NAP1L4: variants seen among roughly 807,000 people sequenced by gnomAD.
The protein encoded by NAP1L4 is nucleosome assembly protein 1-like 4.
NAP1L4 carries 15 observed loss-of-function variants against 58.2 expected under a neutral mutation model. The ratio of observed to expected loss-of-function variants is 0.26; its 90% CI spans 0.17 to 0.40. NAP1L4 has a LOEUF of 0.40. Among genes scored for constraint, NAP1L4 ranks in the 10% least tolerant of loss-of-function variants. The probability of loss-of-function intolerance (pLI) is 1.00; values close to 1 mark genes in which losing one functional copy is unlikely to be tolerated. For synonymous variants in NAP1L4, 171 were observed against 155.6 expected, an observed-to-expected ratio of 1.10 and a Z score of -0.74; for missense variants, 384 against 451.1, an observed-to-expected ratio of 0.85 and a Z score of 1.35.
intron 6 of NAP1L4, among the ~76,000 whole-genome samples, chr11:2,970,842 T>C (rs1435392308): frequency 1.2e-5 from 1 of 82,638 alleles, no homozygotes; most frequent in Non-Finnish European, 2.2e-5. Context: ...AAAATCATCA[T>C]ATACCACCCC....
chr11:2,975,749 CAG>C (rs1847918821), intron 4 of NAP1L4, among the ~76,000 whole-genome samples: 2 of 151,922 alleles, frequency 1.3e-5, no homozygotes, highest in African/African-American at 4.8e-5. Flanking sequence ...CTCTCCAACT[CAG>C]ATGATCTGTG....
At chr11:2,957,774 C>T (rs932133219) in intron 10 of NAP1L4, among the ~76,000 whole-genome samples, 14 of 152,116 alleles carry the variant, frequency 9.2e-5, no homozygotes, top group African/African-American at 3.4e-4. Context: ...AAGCAGCTTC[C>T]AAGCTGTGAT....
chr11:2,987,705 C>G (rs571010373), intron 1 of NAP1L4, among the ~76,000 whole-genome samples: 1 of 144,488 alleles, frequency 6.9e-6, no homozygotes, highest in South Asian at 2.2e-4. Flanking sequence ...TGCAGTGAGC[C>G]GAGATCGCGC....
Position 2,972,151 on chromosome 11 carries a change from T to A in NAP1L4, c.266A>T (p.His89Leu). ...HIEAKFYEEV[H>L]DLERKYAALY... ...CGCTGCATACTTTCTTTCCAAGTCA[T>A]GTACCTCTTCATAGAACTTGGCTTC... Residue 89 changes from histidine to leucine, a missense_variant, in exon 5 of 16, where the codon CAT (histidine) becomes CTT (leucine). Transcript: ENST00000380542. 6.2e-7 allele frequency: 1 copy of A among 1,606,482 alleles called. No individual in the cohort carries two copies. The highest frequency in any genetic ancestry group is 8.5e-7 in the Non-Finnish European group (1 of 1,177,940).
At chr11:2,953,056 T>A (rs1846323986) in intron 12 of NAP1L4, among the ~76,000 whole-genome samples, 1 of 152,204 alleles carries the variant, frequency 6.6e-6, no homozygotes, top group African/African-American at 2.4e-5. Flanking sequence ...TACTTACAGC[T>A]GAGGAAACTG....
At chr11:2,963,784 A>C (rs1170229985) in intron 8 of NAP1L4, 2 of 519,116 alleles carry the variant, frequency 3.9e-6, no homozygotes. Flanking sequence ...TGTCTCCAAG[A>C]CCTGAAACTG....
chr11:2,984,663 T>G (rs1848522184), intron 1 of NAP1L4, among the ~76,000 whole-genome samples: 1 of 152,194 alleles, frequency 6.6e-6, no homozygotes, highest in Admixed American at 6.5e-5. Context: ...TCAGGCCCTG[T>G]CTACTTCCCC....
At chr11:2,981,347 C>T (rs982000511) in intron 1 of NAP1L4, among the ~76,000 whole-genome samples, 3 of 142,622 alleles carry the variant, frequency 2.1e-5, no homozygotes, top group African/African-American at 5.1e-5. Flanking sequence ...GAGTTGGAGG[C>T]CTGGCGGCTG....
rs1027840190 is a variant in NAP1L4 at position 2,954,063 on chromosome 11, C to T, written c.1035+464G>A. ...TGACATGCAATCTTGTTGTTTTCTT[C>T]GGGAGCACGGGTTTCTTTTTTTTCC... is the stretch of plus-strand genomic sequence containing the variant. On this transcript the variant is annotated intron_variant, in intron 12 of 15. Coordinates refer to ENST00000380542, the MANE Select transcript of NAP1L4 (RefSeq NM_005969.4). The surrounding 1 kb of genome is among the most constrained non-coding windows in gnomAD (Gnocchi z 4.8). Among the ~76,000 whole-genome samples the T allele has an allele frequency of 4.6e-5, 7 of 152,136 alleles. No homozygotes were observed. Among genetic ancestry groups the T allele is most frequent in the East Asian group, 1.9e-4 (1 of 5,196 alleles).
chr11:2,991,055 A>C (rs1211934926), intron 1 of NAP1L4: 8 of 455,862 alleles, frequency 1.8e-5, no homozygotes, highest in South Asian at 1.2e-4. Context: ...GGGGGATGCG[A>C]ACCAAAGCAC....
At position 2,969,839 on chromosome 11, in the gene NAP1L4, G is replaced by T; in HGVS notation, c.498C>A (p.Ile166=). 6.2e-7 allele frequency: 1 copy of T among 1,613,724 alleles called. No individual in the cohort carries two copies. The highest frequency in any genetic ancestry group is 1.1e-5 in the South Asian group (1 of 90,946). ...PKGIPEFWFT[I]FRNVDMLSEL... ...CACTCAGCATGTCCACATTTCTGAA[G>T]ATGGTAAACCAGAACTCTGGAATTC... Residue 166 remains isoleucine, a synonymous_variant, in exon 7 of 16, where the codon ATC becomes ATA. Transcript: ENST00000380542.
intron 10 of NAP1L4, among the ~76,000 whole-genome samples, chr11:2,957,477 C>T (rs1281324623): frequency 6.6e-6 from 1 of 152,206 alleles, no homozygotes; most frequent in African/African-American, 2.4e-5. Context: ...GAGAAGAGAT[C>T]CGCCCTGTGG....
chr11:2,968,878 A>G (rs1373786739), intron 7 of NAP1L4, among the ~76,000 whole-genome samples: 1 of 152,196 alleles, frequency 6.6e-6, no homozygotes, highest in Non-Finnish European at 1.5e-5. Context: ...AACTCATTTC[A>G]GGGAAAACCA....
At chr11:2,958,992 C>T (rs960189748) in intron 9 of NAP1L4, 6 of 178,736 alleles carry the variant, frequency 3.4e-5, no homozygotes, top group Non-Finnish European at 6.0e-5. Context: ...CCACTCCAGC[C>T]CCAGGGATGC....
rs777616711 is a variant in NAP1L4, at chr11:2,959,590, G to A, written c.746+180C>T. On this transcript the variant is annotated intron_variant, in intron 9 of 15. Coordinates refer to ENST00000380542, the MANE Select transcript of NAP1L4 (RefSeq NM_005969.4). This position sits in a 1 kb window ranked among gnomAD's most constrained non-coding sequence, Gnocchi z 4.9. ...TCCCAGGTTCAGCCGCCATCTCCAA[G>A]TTCTGCACTATGAGCATTCCCAAAC... 6.6e-6 allele frequency among the ~76,000 whole-genome samples: 1 copy of A among 152,220 alleles called. No homozygotes were observed. Among genetic ancestry groups the A allele is most frequent in the Non-Finnish European group, 1.5e-5 (1 of 68,050 alleles).
At chr11:2,947,798 G>A (rs139425981) in intron 15 of NAP1L4, among the ~76,000 whole-genome samples, 246 of 152,314 alleles carry the variant, frequency 1.6e-3, no homozygotes, top group Non-Finnish European at 2.6e-3. Flanking sequence ...CATTTAAAAG[G>A]TGGGGTTTGA....
Position 2,949,404 on chromosome 11 carries a change from C to A in NAP1L4, c.1123-140G>T. 1 of 705,752 alleles carries A rather than the reference C, an allele frequency of 1.4e-6. No homozygotes were observed. The highest frequency in any genetic ancestry group is 2.3e-5 in the Admixed American group (1 of 43,796). The allele number at this position is 705,752 out of a possible 1,614,324, so 43.7% of individuals were successfully genotyped here. On this transcript the variant is annotated intron_variant, in intron 14 of 15. Coordinates refer to ENST00000380542, the MANE Select transcript of NAP1L4 (RefSeq NM_005969.4). This position sits in a 1 kb window ranked among gnomAD's most constrained non-coding sequence, Gnocchi z 4.0. ...CTGAACTCGGGGTGAACAACTTCAA[C>A]ACTAGATCATACTTTCAAAATGGGC...
At chr11:2,963,241 A>T (rs1414361305) in intron 8 of NAP1L4, among the ~76,000 whole-genome samples, 1 of 152,110 alleles carries the variant, frequency 6.6e-6, no homozygotes, top group Non-Finnish European at 1.5e-5. Flanking sequence ...AAGTACAAAG[A>T]AAAAACGCAC....
chr11:2,975,196 T>C (rs1293689522), intron 4 of NAP1L4, among the ~76,000 whole-genome samples: 2 of 150,890 alleles, frequency 1.3e-5, no homozygotes, highest in Non-Finnish European at 3.0e-5. Flanking sequence ...TGCATGCCTA[T>C]AGTTCCAACT....
Sources: allele counts gnomAD v4.1 joint callset (sites outside exome capture counted in the v4.1 genomes callset), GRCh38; gene constraint gnomAD v4.1.1; non-coding constraint Gnocchi (gnomAD v3.1); transcripts MANE v1.5; gene names NCBI Gene and HGNC (gene_info 2026-07-23, HGNC 2026-07-21).